The following HCRTR1 variants were observed in gnomAD, a reference collection of about 807,000 sequenced individuals.
HCRTR1 encodes the protein hypocretin receptor 1.
In HCRTR1, 28 loss-of-function variants were observed where a neutral mutation model predicts 40.6. The ratio of observed to expected loss-of-function variants is 0.69; its 90% CI spans 0.51 to 0.95. HCRTR1 has a LOEUF of 0.95. Ranked by LOEUF, HCRTR1 falls within the 40% of genes least tolerant of loss-of-function variation. HCRTR1 has a pLI of 0.00. For missense variants in HCRTR1, 482 were observed against 564.7 expected (o/e 0.85, Z 1.48); for synonymous variants, 209 against 230.0 (o/e 0.91, Z 0.83).
chr1:31,619,109 G>A lies in HCRTR1; in HGVS notation c.-84G>A. On this transcript the variant is annotated 5_prime_UTR_variant, in exon 3 of 9. Coordinates refer to ENST00000403528, the MANE Select transcript of HCRTR1 (RefSeq NM_001525.3). The stretch of plus-strand genomic sequence containing the variant: ...TGCAAGCCTCCAGGCACCCTGAAGG[G>A]AGTGGGCTGAGGGCTGGCCCAAGCT... 1.7e-6 allele frequency: 2 copies of A among 1,198,464 alleles called. No homozygotes were observed. The highest frequency in any genetic ancestry group is 2.3e-6 in the Non-Finnish European group (2 of 853,032). The allele number at this position is 1,198,464 out of a possible 1,614,324, so 74.2% of individuals were successfully genotyped here. A position where few individuals can be genotyped will look rare whatever the true frequency, so the allele number is the denominator to read the frequency against.
chr1:31,626,683 C>A lies in HCRTR1; in HGVS notation c.1088-107C>A. ...AGCTCTATCCCTCCCTCCCTCCCCG[C>A]CCCCTCATAGGCAGCTTGGCTGGAG... On this transcript the variant is annotated intron_variant, in intron 8 of 8. Coordinates refer to ENST00000403528, the MANE Select transcript of HCRTR1 (RefSeq NM_001525.3). The surrounding 1 kb of genome is among the most constrained non-coding windows in gnomAD (Gnocchi z 4.6). 7.7e-7 allele frequency: 1 copy of A among 1,303,918 alleles called. No individual in the cohort carries two copies. The highest frequency in any genetic ancestry group is 1.5e-5 in the African/African-American group (1 of 67,454). The allele number at this position is 1,303,918 out of a possible 1,614,324, so 80.8% of individuals were successfully genotyped here. A position where few individuals can be genotyped will look rare whatever the true frequency, so the allele number is the denominator to read the frequency against.
chr1:31,629,216 C>T (rs1206303683), downstream of HCRTR1, among the ~76,000 whole-genome samples: 1 of 152,254 alleles, frequency 6.6e-6, no homozygotes, highest in Admixed American at 6.5e-5. Context: ...AAGCCCGACA[C>T]ACTGCTGGGC....
In HCRTR1 at chr1:31,625,171, C is replaced by A. The variant is rs1639950120; in HGVS notation, c.1087+53C>A. 6.6e-7 allele frequency: 1 copy of A among 1,520,144 alleles called. No individual in the cohort carries two copies. Among genetic ancestry groups the A allele is most frequent in the East Asian group, 2.5e-5 (1 of 40,616 alleles). 94.2% of individuals were successfully genotyped at this position (1,520,144 alleles called of 1,614,324 possible). A position where few individuals can be genotyped will look rare whatever the true frequency, so the allele number is the denominator to read the frequency against. On this transcript the variant is annotated intron_variant, in intron 8 of 8. Coordinates refer to ENST00000403528, the MANE Select transcript of HCRTR1 (RefSeq NM_001525.3). This position sits in a 1 kb window ranked among gnomAD's most constrained non-coding sequence, Gnocchi z 4.2. Reference sequence around the variant, plus strand: ...TGAGGGTGGCCAACAGTCCACATGACAAGTCTCCCCATCCCCAAGCCAGGG... The same window carrying A: ...TGAGGGTGGCCAACAGTCCACATGAAAAGTCTCCCCATCCCCAAGCCAGGG...
downstream of HCRTR1, among the ~76,000 whole-genome samples, chr1:31,631,018 C>T (rs1640085636): frequency 2.0e-5 from 3 of 152,166 alleles, no homozygotes; most frequent in Admixed American, 2.0e-4. Flanking sequence ...CAACAGGGAC[C>T]GTGTCTGGAT....
rs780328008 is a variant in HCRTR1 at position 31,627,388 on chromosome 1, A to G, written c.*408A>G. 4.7e-6 allele frequency: 6 copies of G among 1,284,080 alleles called. No individual in the cohort carries two copies. The highest frequency in any genetic ancestry group is 6.1e-6 in the Non-Finnish European group (6 of 982,610). The allele number at this position is 1,284,080 out of a possible 1,614,324, so 79.5% of individuals were successfully genotyped here. On this transcript the variant is annotated 3_prime_UTR_variant, in exon 9 of 9. Transcript: ENST00000403528. ...TCCATCTTGTTCCATGGCTCCCTGA[A>G]GCCCAGGGCTGCACTTGGCCAGCTG... is the stretch of plus-strand genomic sequence containing the variant.
In HCRTR1 at chr1:31,625,073, T is replaced by C. The variant is rs1213500568; in HGVS notation, c.1042T>C (p.Tyr348His). ...CTTCACCTTCTCCCACTGGCTGGTG[T>C]ACGCCAACAGCGCTGCCAACCCCAT... ...ACFTFSHWLV[Y>H]ANSAANPIIY... Residue 348 changes from tyrosine (Y) to histidine (H), a missense_variant, in exon 8 of 9, where the codon TAC becomes CAC. Tyr to His is a moderately conservative substitution (Grantham distance 83). Coordinates refer to ENST00000403528, the MANE Select transcript of HCRTR1 (RefSeq NM_001525.3). This position sits in a 1 kb window ranked among gnomAD's most constrained non-coding sequence, Gnocchi z 4.2. 1.2e-6 allele frequency: 2 copies of C among 1,612,838 alleles called. No individual in the cohort carries two copies. Among genetic ancestry groups the C allele is most frequent in the Admixed American group, 3.3e-5 (2 of 59,896 alleles).
Position 31,619,158 on chromosome 1 carries a change from T to C in HCRTR1, c.-35T>C. ...CTCCCTCCTCTCCCTCTGTAGAGCC[T>C]AGGATGCCCCTCTGCTGCAGCGGCT... On this transcript the variant is annotated 5_prime_UTR_variant, in exon 3 of 9. Coordinates refer to ENST00000403528, the MANE Select transcript of HCRTR1 (RefSeq NM_001525.3). The C allele has an allele frequency of 1.3e-6, 2 of 1,584,884 alleles. No homozygotes were observed.
intron 6 of HCRTR1, among the ~76,000 whole-genome samples, chr1:31,622,003 A>G (rs1468723834): frequency 6.6e-6 from 1 of 152,240 alleles, no homozygotes; most frequent in Admixed American, 6.5e-5. Context: ...GTACCACTGC[A>G]ACAATAATAA....
In HCRTR1 at chr1:31,623,586, C is replaced by G. The variant is rs1470075123; in HGVS notation, c.802C>G (p.Leu268Val). ...GCGCCCCTCAGACCAGCTGGGGGAC[C>G]TGGAGCAGGGCCTGAGTGGAGAGCC... Reference protein sequence around the residue: ...WKRPSDQLGDLEQGLSGEPQP... With the variant: ...WKRPSDQLGDVEQGLSGEPQP... The change falls in exon 7 of 9, where the codon CTG becomes GTG. Residue 268 changes from leucine (L) to valine (V), a missense_variant. Physicochemically the swap from Leu to Val is conservative, Grantham distance 32 (BLOSUM62 1). Transcript: ENST00000403528. 2 of 1,613,452 alleles carry G rather than the reference C, an allele frequency of 1.2e-6. No homozygotes were observed. The highest frequency in any genetic ancestry group is 1.3e-5 in the African/African-American group (1 of 74,922).
chr1:31,618,974 G>A (rs993672768), intron 2 of HCRTR1, 77 bp from the exon 3 acceptor site: 27 of 569,438 alleles, frequency 4.7e-5, no homozygotes, highest in South Asian at 3.5e-4. Flanking sequence ...GAACTTATAC[G>A]CAAAGCGCCT....
chr1:31,623,000 C>T (rs1405990043), intron 6 of HCRTR1, among the ~76,000 whole-genome samples: 1 of 152,140 alleles, frequency 6.6e-6, no homozygotes, highest in African/African-American at 2.4e-5. Flanking sequence ...TTCCACAAGG[C>T]GTGTTGTAGA....
chr1:31,634,066 C>G (rs1640191282), downstream of HCRTR1, among the ~76,000 whole-genome samples: 1 of 152,112 alleles, frequency 6.6e-6, no homozygotes, highest in African/African-American at 2.4e-5. Context: ...CACACAAAGA[C>G]AGCCATGGGC....
Position 31,627,124 on chromosome 1 carries a change from T to C in HCRTR1, c.*144T>C, listed in dbSNP as rs1309511328. On this transcript the variant is annotated 3_prime_UTR_variant, in exon 9 of 9. Coordinates refer to ENST00000403528, the MANE Select transcript of HCRTR1 (RefSeq NM_001525.3). ...GATAAGTCACTTCCTCTGTCTGAGCTTGTGTCCCCTAAGCAGGGTTGATGT... is the reference window on the plus strand; with the variant it reads ...GATAAGTCACTTCCTCTGTCTGAGCCTGTGTCCCCTAAGCAGGGTTGATGT... 6 of 1,431,166 alleles carry C rather than the reference T, an allele frequency of 4.2e-6. No homozygotes were observed. The African/African-American group carries it at 5.7e-5, about 14-fold the overall frequency. 88.7% of individuals were successfully genotyped at this position (1,431,166 alleles called of 1,614,324 possible).
Position 31,623,573 on chromosome 1 carries a change from C to T in HCRTR1, c.789C>T (p.Asp263=). The change falls in exon 7 of 9, where the codon GAC becomes GAT. Residue 263 remains aspartate, a synonymous_variant. Coordinates refer to ENST00000403528, the MANE Select transcript of HCRTR1 (RefSeq NM_001525.3). ...ALVRNWKRPS[D]QLGDLEQGLS... is the part of the protein sequence containing the mutation. ...TGCGGAACTGGAAGCGCCCCTCAGA[C>T]CAGCTGGGGGACCTGGAGCAGGGCC... 1 of 1,613,550 alleles carries T rather than the reference C, an allele frequency of 6.2e-7. No individual in the cohort carries two copies. The highest frequency in any genetic ancestry group is 8.5e-7 in the Non-Finnish European group (1 of 1,179,990).
At position 31,625,145 on chromosome 1, in the gene HCRTR1, C is replaced by CT. The variant is rs1369419483; in HGVS notation, c.1087+28dup. 1.3e-6 allele frequency: 2 copies of CT among 1,575,994 alleles called. No individual in the cohort carries two copies. The highest frequency in any genetic ancestry group is 3.6e-5 in the Admixed American group (2 of 56,274). The stretch of plus-strand genomic sequence containing the variant: ...TGAGCAGGCTGGGGATGCAAAATGA[C>CT]TGAGGGTGGCCAACAGTCCACATGA... On this transcript the variant is annotated intron_variant, in intron 8 of 8. Transcript: ENST00000403528. This position sits in a 1 kb window ranked among gnomAD's most constrained non-coding sequence, Gnocchi z 4.2.
At position 31,617,775 on chromosome 1, in the gene HCRTR1, T is replaced by G. The variant is rs971333094; in HGVS notation, c.-310T>G. 2.0e-5 allele frequency: 3 copies of G among 151,972 alleles called. No individual in the cohort carries two copies. Among genetic ancestry groups the G allele is most frequent in the African/African-American group, 7.2e-5 (3 of 41,392 alleles). 9.4% of individuals were successfully genotyped at this position (151,972 alleles called of 1,614,324 possible). On this transcript the variant is annotated 5_prime_UTR_variant, in exon 1 of 9. Coordinates refer to ENST00000403528, the MANE Select transcript of HCRTR1 (RefSeq NM_001525.3). Reference sequence around the variant, plus strand: ...GGAGGGGGCTGCCCCGGCCCCCTCCTGCAGTCCCGGCCCCTAGAGGCTCGG... The same window carrying G: ...GGAGGGGGCTGCCCCGGCCCCCTCCGGCAGTCCCGGCCCCTAGAGGCTCGG...
intron 4 of HCRTR1, among the ~76,000 whole-genome samples, chr1:31,620,399 G>A (rs950678078): frequency 2.0e-5 from 3 of 152,194 alleles, no homozygotes; most frequent in Non-Finnish European, 4.4e-5. Context: ...CCACTCAACT[G>A]GTTAACTCTG....
At chr1:31,633,533 G>A (rs894861497), downstream of HCRTR1, among the ~76,000 whole-genome samples, 4 of 152,140 alleles carry the variant, frequency 2.6e-5, no homozygotes, top group African/African-American at 9.7e-5. Context: ...TGGAGTTCTC[G>A]TATAGTGTTC....
At position 31,625,744 on chromosome 1, in the gene HCRTR1, G is replaced by A. The variant is rs529432184; in HGVS notation, c.1087+626G>A. ...CCCTCCCTCTACCTCCCAGTCTCAGGGTGGTAATGGCTCTGAGGCTGAGCT... is the reference window on the plus strand; with the variant it reads ...CCCTCCCTCTACCTCCCAGTCTCAGAGTGGTAATGGCTCTGAGGCTGAGCT... On this transcript the variant is annotated intron_variant, in intron 8 of 8. Transcript: ENST00000403528. The surrounding 1 kb of genome is among the most constrained non-coding windows in gnomAD (Gnocchi z 4.2). Among the ~76,000 whole-genome samples, 7 of 152,184 alleles carry A rather than the reference G, an allele frequency of 4.6e-5. No homozygotes were observed. Among genetic ancestry groups the A allele is most frequent in the African/African-American group, 9.6e-5 (4 of 41,496 alleles).
Sources: allele counts gnomAD v4.1 joint callset (sites outside exome capture counted in the v4.1 genomes callset), GRCh38; gene constraint gnomAD v4.1.1; non-coding constraint Gnocchi (gnomAD v3.1); transcripts MANE v1.5; gene names NCBI Gene and HGNC (gene_info 2026-07-23, HGNC 2026-07-21).